MGAT4C: variants seen among roughly 807,000 people sequenced by gnomAD.
MGAT4C encodes the protein MGAT4 family member C.
In MGAT4C, 19 loss-of-function variants were observed where a neutral mutation model predicts 40.1. That is an observed-to-expected ratio of 0.47 (90% CI 0.33 to 0.70). The LOEUF (loss-of-function observed/expected upper bound fraction) is 0.70. Ranked by LOEUF, MGAT4C falls within the 30% of genes least tolerant of loss-of-function variation. The pLI is 0.02. For synonymous variants in MGAT4C, 181 were observed against 187.1 expected (o/e 0.97, Z 0.27); for missense variants, 491 against 563.2 (o/e 0.87, Z 1.30).
At position 86,177,226 on chromosome 12, in the gene MGAT4C, G is replaced by A. The variant is rs142134742; in HGVS notation, c.-57+79013C>T. 2.8e-4 allele frequency among the ~76,000 whole-genome samples: 42 copies of A among 152,170 alleles called. No individual in the cohort carries two copies. The East Asian group carries it at 7.9e-3, about 29-fold the overall frequency. ...GATGCAAGTGAAATGAAAAGCAATT[G>A]GGCAGTCTAATTGAGAAAGTAATGA... On this transcript the variant is annotated intron_variant, in intron 1 of 4. Transcript: ENST00000611864.
At chr12:86,346,383 C>G (rs1042961162) in intron 3 of MGAT4C, among the ~76,000 whole-genome samples, 1 of 152,048 alleles carries the variant, frequency 6.6e-6, no homozygotes, top group Non-Finnish European at 1.5e-5. Flanking sequence ...CACCACCATG[C>G]CCGACTAATT....
At chr12:86,569,889 ACTAT>A (rs1379893564) in intron 2 of MGAT4C, among the ~76,000 whole-genome samples, 1 of 152,172 alleles carries the variant, frequency 6.6e-6, no homozygotes, top group Non-Finnish European at 1.5e-5. Flanking sequence ...ACTACCTAAG[ACTAT>A]CTAAGACAAT....
chr12:86,031,706 C>T (rs1890769020), intron 2 of MGAT4C, among the ~76,000 whole-genome samples: 1 of 151,766 alleles, frequency 6.6e-6, no homozygotes, highest in African/African-American at 2.4e-5. Flanking sequence ...CTGGATTTCT[C>T]TTGAAATCTT....
chr12:86,624,786 T>C (rs534331791), intron 2 of MGAT4C, among the ~76,000 whole-genome samples: 1 of 152,054 alleles, frequency 6.6e-6, no homozygotes, highest in East Asian at 1.9e-4. Flanking sequence ...GGTCTATGTA[T>C]GGGGAAAAAA....
intron 1 of MGAT4C, among the ~76,000 whole-genome samples, chr12:86,814,638 C>T (rs1427873036): frequency 6.6e-6 from 1 of 151,786 alleles, no homozygotes; most frequent in Non-Finnish European, 1.5e-5. Context: ...GTTTGTATTA[C>T]CCCGAAATTC....
intron 2 of MGAT4C, among the ~76,000 whole-genome samples, chr12:86,490,543 A>G (rs990859076): frequency 6.6e-6 from 1 of 152,122 alleles, no homozygotes; most frequent in Non-Finnish European, 1.5e-5. Flanking sequence ...AGCTAACATC[A>G]TAATGACAGG....
intron 2 of MGAT4C, among the ~76,000 whole-genome samples, chr12:86,441,660 C>T (rs1957230949): frequency 6.6e-6 from 1 of 151,910 alleles, no homozygotes; most frequent in Non-Finnish European, 1.5e-5. Context: ...ATCCATGTCC[C>T]TACAAAGGAC....
At chr12:86,559,525 T>C (rs1268716480) in intron 2 of MGAT4C, among the ~76,000 whole-genome samples, 2 of 151,880 alleles carry the variant, frequency 1.3e-5, no homozygotes, top group Non-Finnish European at 2.9e-5. Context: ...TAGAAATACA[T>C]AGAAATTCAA....
intron 3 of MGAT4C, among the ~76,000 whole-genome samples, chr12:86,403,097 C>A (rs1361609219): frequency 6.6e-6 from 1 of 152,156 alleles, no homozygotes; most frequent in Non-Finnish European, 1.5e-5. Context: ...TGATTCAATG[C>A]CCATTTTATT....
intron 2 of MGAT4C, among the ~76,000 whole-genome samples, chr12:86,587,925 T>C (rs564031539): frequency 4.2e-4 from 64 of 152,016 alleles, no homozygotes; most frequent in African/African-American, 1.5e-3. Context: ...CTTTTCCTAA[T>C]TGAATACCCT....
At chr12:86,690,969 A>G (rs1950162198) in intron 2 of MGAT4C, among the ~76,000 whole-genome samples, 1 of 152,054 alleles carries the variant, frequency 6.6e-6, no homozygotes, top group South Asian at 2.1e-4. Context: ...CTCAAATTTG[A>G]TATTCTTTAC....
At chr12:86,270,863 T>C (rs1029568135) in intron 4 of MGAT4C, among the ~76,000 whole-genome samples, 3 of 152,150 alleles carry the variant, frequency 2.0e-5, no homozygotes, top group Non-Finnish European at 4.4e-5. Flanking sequence ...GAAAATGTCA[T>C]GTATTTATAA....
rs1221189558 is a variant in MGAT4C, at chr12:85,972,951, A to G, written c.*6338T>C. ...AAATGTGGGGTATTTTATGGAGAAA[A>G]GAGGCATGTACTACCTTAAACATTT... On this transcript the variant is annotated 3_prime_UTR_variant, in exon 5 of 5. Transcript: ENST00000611864. 6.6e-6 allele frequency: 1 copy of G among 151,018 alleles called. No individual in the cohort carries two copies. The highest frequency in any genetic ancestry group is 2.4e-5 in the African/African-American group (1 of 41,350). The allele number at this position is 151,018 out of a possible 1,614,324, so 9.4% of individuals were successfully genotyped here.
intron 1 of MGAT4C, among the ~76,000 whole-genome samples, chr12:86,829,530 A>G (rs1369831695): frequency 6.6e-6 from 1 of 151,634 alleles, no homozygotes; most frequent in East Asian, 1.9e-4. Context: ...TTAAAATTTC[A>G]TACAATCTTA....
At chr12:86,790,936 CT>C (rs1160260491) in intron 1 of MGAT4C, among the ~76,000 whole-genome samples, 2 of 152,100 alleles carry the variant, frequency 1.3e-5, no homozygotes, top group Non-Finnish European at 2.9e-5. Flanking sequence ...AAAAAAAGCA[CT>C]GTATAACCAA....
intron 3 of MGAT4C, among the ~76,000 whole-genome samples, chr12:86,399,032 G>A (rs1468897147): frequency 3.9e-5 from 6 of 152,198 alleles, no homozygotes; most frequent in East Asian, 1.9e-4. Context: ...GTGCAGTGGC[G>A]CCATCCTGAC....
intron 2 of MGAT4C, among the ~76,000 whole-genome samples, chr12:85,993,141 G>T (rs921255262): frequency 2.6e-5 from 4 of 152,154 alleles, no homozygotes; most frequent in Non-Finnish European, 5.9e-5. Flanking sequence ...GGTCCTGACA[G>T]GTATATAGAG....
intron 1 of MGAT4C, among the ~76,000 whole-genome samples, chr12:86,245,777 C>A (rs925410628): frequency 2.0e-5 from 3 of 152,074 alleles, no homozygotes; most frequent in African/African-American, 7.2e-5. Flanking sequence ...TTTTCCTCCT[C>A]TTTAGATTAT....
intron 3 of MGAT4C, among the ~76,000 whole-genome samples, chr12:85,988,563 T>A (rs2136713564): frequency 6.6e-6 from 1 of 152,138 alleles, no homozygotes; most frequent in East Asian, 1.9e-4. Context: ...TTTTCTGAAA[T>A]CTATAAATAT....
Sources: allele counts gnomAD v4.1 joint callset (sites outside exome capture counted in the v4.1 genomes callset), GRCh38; gene constraint gnomAD v4.1.1; transcripts MANE v1.5; gene names NCBI Gene and HGNC (gene_info 2026-07-23, HGNC 2026-07-21).